Variants in FRMPD2 observed in about 807,000 individuals in gnomAD.
FRMPD2 encodes the protein FERM and PDZ domain-containing protein 2.
In FRMPD2, 96 loss-of-function variants were observed where a neutral mutation model predicts 140.1. That is an observed-to-expected ratio of 0.69 (90% confidence interval 0.58 to 0.81). FRMPD2 has a LOEUF of 0.81. Among genes scored for constraint, FRMPD2 ranks in the 40% least tolerant of loss-of-function variants. The probability of loss-of-function intolerance (pLI) is 0.00; values close to 1 mark genes in which losing one functional copy is unlikely to be tolerated. For synonymous variants in FRMPD2, 449 were observed against 547.6 expected (o/e 0.82, Z 2.52); for missense variants, 1,240 against 1,447.4 (o/e 0.86, Z 2.32).
intron 12 of FRMPD2, among the ~76,000 whole-genome samples, chr10:48,218,269 A>G (rs1297453501): frequency 2.0e-5 from 3 of 152,216 alleles, no homozygotes; most frequent in African/African-American, 4.8e-5. Context: ...TAGGGGTTCT[A>G]CATATGAATT....
intron 13 of FRMPD2, among the ~76,000 whole-genome samples, chr10:48,211,154 A>G (rs535833804): frequency 6.6e-6 from 1 of 152,376 alleles, no homozygotes; most frequent in South Asian, 2.1e-4. Context: ...GACAAAGAGC[A>G]TGTGCTTTTT....
chr10:48,226,973 A>T (rs1839736288), intron 10 of FRMPD2, among the ~76,000 whole-genome samples: 1 of 152,268 alleles, frequency 6.6e-6, no homozygotes, highest in Non-Finnish European at 1.5e-5. Flanking sequence ...AAGAGGCTGG[A>T]CACCCCACTC....
In FRMPD2 at chr10:48,223,140, G is replaced by A. The variant is rs756991629; in HGVS notation, c.1299C>T (p.Ser433=). 4 of 1,613,796 alleles carry A rather than the reference G, an allele frequency of 2.5e-6. No homozygotes were observed. In the South Asian group the frequency reaches 4.4e-5, roughly 18 times the overall value. The part of the protein sequence containing the change: ...TLFLRIKFFV[S]HYGLLQHSLT... ...GCACTCACTGGAGCAGCCCATAGTGGCTGACAAAGAACTTTATCCTCAGGA... is the reference window on the plus strand; with the variant it reads ...GCACTCACTGGAGCAGCCCATAGTGACTGACAAAGAACTTTATCCTCAGGA... The change falls in exon 11 of 29, where the codon AGC becomes AGT. Residue 433 remains serine, a synonymous_variant. Coordinates refer to ENST00000374201, the MANE Select transcript of FRMPD2 (RefSeq NM_001018071.4).
At chr10:48,188,232 T>G (rs979565920) in intron 16 of FRMPD2, among the ~76,000 whole-genome samples, 1 of 152,268 alleles carries the variant, frequency 6.6e-6, no homozygotes, top group East Asian at 1.9e-4. Flanking sequence ...GCATGGACAG[T>G]TACCCATGGA....
intron 1 of FRMPD2, among the ~76,000 whole-genome samples, chr10:48,260,068 T>C (rs918056980): frequency 6.6e-6 from 1 of 151,916 alleles, no homozygotes; most frequent in Non-Finnish European, 1.5e-5. Context: ...GTATAACATA[T>C]GTGTAAAAGG....
intron 12 of FRMPD2, among the ~76,000 whole-genome samples, chr10:48,215,448 C>T (rs1839423790): frequency 6.6e-6 from 1 of 152,212 alleles, no homozygotes; most frequent in Non-Finnish European, 1.5e-5. Context: ...GCTTACCTAA[C>T]CTCACAGAGT....
At chr10:48,258,412 C>A (rs1840524758) in intron 1 of FRMPD2, among the ~76,000 whole-genome samples, 1 of 152,194 alleles carries the variant, frequency 6.6e-6, no homozygotes, top group Non-Finnish European at 1.5e-5. Context: ...CTGTTTTCTA[C>A]CCCACAGCCC....
intron 1 of FRMPD2, among the ~76,000 whole-genome samples, chr10:48,256,868 C>A (rs1030588453): frequency 6.6e-6 from 1 of 152,210 alleles, no homozygotes; most frequent in Non-Finnish European, 1.5e-5. Flanking sequence ...AATGTTGTCC[C>A]TCAGGATTCT....
Position 48,181,007 on chromosome 10 carries a change from AC to A in FRMPD2, c.2585del (p.Gly862ValfsTer25). 8.0e-7 allele frequency: 1 copy of A among 1,243,154 alleles called. No homozygotes were observed. The highest frequency in any genetic ancestry group is 1.5e-5 in the African/African-American group (1 of 68,300). The allele number at this position is 1,243,154 out of a possible 1,614,324, so 77.0% of individuals were successfully genotyped here. On this transcript the variant is annotated frameshift_variant and splice_region_variant, in exon 21 of 29. Transcript: ENST00000374201. LOFTEE classifies it high-confidence loss of function. ...NIELIISQSK[G>X]VGGNNPDEEK... ...CTTCATCTGGGTTATTTCCACCAAC[AC>A]CTATAAAAACAAGCCAAGAAAAAGT...
intron 14 of FRMPD2, 24 bp from the exon 15 acceptor site, chr10:48,201,408 T>C: frequency 1.9e-6 from 3 of 1,610,396 alleles, no homozygotes; most frequent in African/African-American, 1.3e-5. Flanking sequence ...ACACAGACTT[T>C]AATACACTGA....
In FRMPD2 at chr10:48,236,513, G is replaced by A. The variant is rs757241097; in HGVS notation, c.962C>T (p.Pro321Leu). 6.2e-6 allele frequency: 10 copies of A among 1,614,142 alleles called. No homozygotes were observed. The highest frequency in any genetic ancestry group is 5.5e-5 in the South Asian group (5 of 91,082). The part of the protein sequence containing the change: ...PEFILLAGEA[P>L]MTLHLPGSVV... ...CGATCCCGGCAGATGTAGTGTCATC[G>A]GGGCCTCTCCAGCCAACAGGATGAA... Residue 321 changes from proline (P) to leucine (L), a missense_variant, in exon 9 of 29, where the codon CCG becomes CTG. Coordinates refer to ENST00000374201, the MANE Select transcript of FRMPD2 (RefSeq NM_001018071.4).
At chr10:48,188,281 C>G (rs975385333) in intron 16 of FRMPD2, among the ~76,000 whole-genome samples, 2 of 152,168 alleles carry the variant, frequency 1.3e-5, no homozygotes, top group African/African-American at 4.8e-5. Flanking sequence ...CACCAGGGCT[C>G]TCTCTGCAGG....
chr10:48,197,652 C>T (rs1588823436), intron 15 of FRMPD2, among the ~76,000 whole-genome samples: 1 of 152,332 alleles, frequency 6.6e-6, no homozygotes, highest in East Asian at 1.9e-4. Context: ...AGGAACCACG[C>T]TCTGAACATG....
intron 6 of FRMPD2, 127 bp downstream of exon 6, chr10:48,240,233 C>T (rs964713902): frequency 1.1e-5 from 12 of 1,064,344 alleles, no homozygotes; most frequent in Non-Finnish European, 1.5e-5. Context: ...CAGGGGCTTC[C>T]TGAAAGAGTG....
intron 2 of FRMPD2, 33 bp from the exon 3 acceptor site, chr10:48,249,211 CAG>C (rs753785371): frequency 8.1e-6 from 13 of 1,603,448 alleles, no homozygotes; most frequent in Non-Finnish European, 1.1e-5. Context: ...GCTGTAGAGA[CAG>C]AGCTTCCATC....
chr10:48,255,470 G>A (rs1417658234), intron 1 of FRMPD2, among the ~76,000 whole-genome samples: 1 of 152,068 alleles, frequency 6.6e-6, no homozygotes, highest in Non-Finnish European at 1.5e-5. Context: ...TGTCCCTACA[G>A]CCTTCCCTCA....
intron 6 of FRMPD2, 96 bp from the exon 7 acceptor site, chr10:48,239,788 T>G (rs1486527978): frequency 8.5e-6 from 7 of 820,312 alleles, no homozygotes; most frequent in Non-Finnish European, 1.2e-5. Context: ...CATGACTTAC[T>G]AGCTGTGTGA....
At chr10:48,203,544 G>C (rs1839136453) in intron 14 of FRMPD2, among the ~76,000 whole-genome samples, 1 of 152,116 alleles carries the variant, frequency 6.6e-6, no homozygotes, top group South Asian at 2.1e-4. Flanking sequence ...CCTAATTCAT[G>C]GCAGGTGCTT....
rs377718333 is a variant in FRMPD2 at position 48,240,419 on chromosome 10, C to T, written c.641G>A (p.Arg214His). 63 of 1,613,562 alleles carry T rather than the reference C, an allele frequency of 3.9e-5. No homozygotes were observed. The South Asian group carries it at 4.2e-4, about 11-fold the overall frequency. Residue 214 changes from arginine (R) to histidine (H), a missense_variant, in exon 6 of 29, where the codon CGT (arginine) becomes CAT (histidine). Physicochemically the swap from Arg to His is conservative, Grantham distance 29. This residue lies in a region of FRMPD2 where 1,161 missense variants were observed against 1,055.9 expected (regional missense o/e 1.10). Coordinates refer to ENST00000374201, the MANE Select transcript of FRMPD2 (RefSeq NM_001018071.4). ...CGCTGGGCTCTCGCTGCTTGTCCCA[C>T]GCAGCCTCTTCCTGAGCAGGTAGCT... ...NRSYLLRKRL[R>H]GTSSESPAAQ...
Sources: gnomAD v4.1 joint callset for allele counts (sites outside exome capture counted in the v4.1 genomes callset) on GRCh38, gnomAD v4.1.1 for gene constraint, gnomAD v4.1.1 regional missense constraint, MANE v1.5 for transcripts, NCBI Gene and HGNC (gene_info 2026-07-23, HGNC 2026-07-21) for gene names.